Variants in DAB2IP observed in about 807,000 individuals in gnomAD.
DAB2IP encodes the protein disabled homolog 2-interacting protein.
In DAB2IP, 28 loss-of-function variants were observed where a neutral mutation model predicts 107.2. That is an observed-to-expected ratio of 0.26 (90% CI 0.19 to 0.36). DAB2IP has a LOEUF of 0.36. Ranked by LOEUF, DAB2IP falls within the 10% of genes least tolerant of loss-of-function variation. The pLI, the probability that DAB2IP is intolerant of heterozygous loss-of-function variation, is 1.00. For missense variants in DAB2IP, 1,400 were observed against 1,644.7 expected (o/e 0.85, Z 2.57); for synonymous variants, 755 against 706.4 (o/e 1.07, Z -1.09).
chr9:121,577,865 C>T (rs981212123), intron 1 of DAB2IP, among the ~76,000 whole-genome samples: 1 of 152,148 alleles, frequency 6.6e-6, no homozygotes, highest in African/African-American at 2.4e-5. Flanking sequence ...AGGGAGCAGG[C>T]ACCAGGCTCT....
intron 3 of DAB2IP, among the ~76,000 whole-genome samples, chr9:121,710,692 T>C (rs568011709): frequency 4.8e-4 from 73 of 152,280 alleles, no homozygotes; most frequent in Non-Finnish European, 8.8e-4. Flanking sequence ...CTTCCATCAC[T>C]ACCCAGGAGG....
At chr9:121,717,360 T>G (rs1254160761) in intron 3 of DAB2IP, among the ~76,000 whole-genome samples, 1 of 152,214 alleles carries the variant, frequency 6.6e-6, no homozygotes, top group Non-Finnish European at 1.5e-5. Flanking sequence ...AGCCACTCAT[T>G]GTACTAGCAG....
rs765763166 is a variant in DAB2IP, at chr9:121,567,179, C to A, written c.-10C>A. On this transcript the variant is annotated 5_prime_UTR_variant, in exon 1 of 17. Transcript: ENST00000259371. Reference sequence around the variant, plus strand: ...ATCAGGTGGGGCCAGGGGCTGGGGGCCCACACGCCATGGAGCCCGACTCCC... The same window carrying A: ...ATCAGGTGGGGCCAGGGGCTGGGGGACCACACGCCATGGAGCCCGACTCCC... The A allele has an allele frequency of 1.6e-4, 260 of 1,613,822 alleles. 1 individual carries two copies. The highest frequency in any genetic ancestry group is 1.6e-4 in the Non-Finnish European group (186 of 1,179,990).
At chr9:121,748,846 G>T (rs1254278151) in intron 3 of DAB2IP, among the ~76,000 whole-genome samples, 2 of 152,178 alleles carry the variant, frequency 1.3e-5, no homozygotes, top group Non-Finnish European at 2.9e-5. Flanking sequence ...CCTGTGATGT[G>T]GGGGGAAGCA....
intron 3 of DAB2IP, among the ~76,000 whole-genome samples, chr9:121,739,726 A>G (rs56002736): frequency 1.7e-3 from 265 of 152,354 alleles, no homozygotes; most frequent in African/African-American, 6.0e-3. Context: ...TCAGGCAAGC[A>G]TGGAGACACA....
chr9:121,703,355 T>A (rs1290303359), intron 3 of DAB2IP, among the ~76,000 whole-genome samples: 1 of 152,184 alleles, frequency 6.6e-6, no homozygotes, highest in African/African-American at 2.4e-5. Context: ...TTCTTGCCCT[T>A]GTTCCCTCCC....
In DAB2IP at chr9:121,640,006, A is replaced by G. The variant is rs183604782; in HGVS notation, c.41-38672A>G. ...GAATGTCTCGAAGTCCAAGATCTGAAGTTCTGGGCATCCCCTTCCTTGCAT... is the reference window on the plus strand; with the variant it reads ...GAATGTCTCGAAGTCCAAGATCTGAGGTTCTGGGCATCCCCTTCCTTGCAT... On this transcript the variant is annotated intron_variant, in intron 1 of 16. Coordinates refer to the DAB2IP transcript ENST00000259371. 4.1e-3 allele frequency among the ~76,000 whole-genome samples: 621 copies of G among 152,304 alleles called. 1 individual carries two copies. Among genetic ancestry groups the G allele is most frequent in the Middle Eastern group, 0.034 (10 of 294 alleles).
intron 1 of DAB2IP, among the ~76,000 whole-genome samples, chr9:121,606,787 T>C (rs1830893855): frequency 6.6e-6 from 1 of 151,820 alleles, no homozygotes; most frequent in Admixed American, 6.6e-5. Flanking sequence ...TTTTTTTTTT[T>C]TTCTTGAGAT....
At chr9:121,602,866 C>T (rs1010851389) in intron 1 of DAB2IP, among the ~76,000 whole-genome samples, 26 of 152,156 alleles carry the variant, frequency 1.7e-4, no homozygotes, top group African/African-American at 5.3e-4. Context: ...TGAGCCACCG[C>T]GCCTGGCCAA....
At chr9:121,619,159 T>C (rs754629698) in intron 1 of DAB2IP, among the ~76,000 whole-genome samples, 3 of 152,154 alleles carry the variant, frequency 2.0e-5, no homozygotes, top group African/African-American at 4.8e-5. Context: ...GTTTTGTTTT[T>C]GTTTTGAGAC....
chr9:121,589,206 G>A (rs1025954446), intron 1 of DAB2IP, among the ~76,000 whole-genome samples: 4 of 152,120 alleles, frequency 2.6e-5, no homozygotes, highest in African/African-American at 4.8e-5. Context: ...CAGTAAGGTC[G>A]CTCAGTAGCC....
chr9:121,726,757 G>A (rs577800032), intron 3 of DAB2IP, among the ~76,000 whole-genome samples: 5 of 152,318 alleles, frequency 3.3e-5, no homozygotes, highest in African/African-American at 1.2e-4. Context: ...TAAAAGGAAA[G>A]GGGAGAAACT....
At chr9:121,674,148 C>T (rs937172854) in intron 1 of DAB2IP, among the ~76,000 whole-genome samples, 7 of 152,200 alleles carry the variant, frequency 4.6e-5, no homozygotes, top group Non-Finnish European at 1.0e-4. Context: ...AAGATAGGGT[C>T]ATCCCGATGG....
chr9:121,630,274 A>C (rs1831825178), intron 1 of DAB2IP, among the ~76,000 whole-genome samples: 1 of 152,200 alleles, frequency 6.6e-6, no homozygotes, highest in Non-Finnish European at 1.5e-5. Flanking sequence ...TATAGCATTA[A>C]AAATATTTCG....
At chr9:121,770,265 A>G (rs989549998) in intron 10 of DAB2IP, among the ~76,000 whole-genome samples, 1 of 152,256 alleles carries the variant, frequency 6.6e-6, no homozygotes, top group African/African-American at 2.4e-5. Context: ...CGGAGGCACC[A>G]GGGCAGGGCA....
chr9:121,688,599 C>G (rs548629835), intron 2 of DAB2IP, among the ~76,000 whole-genome samples: 1 of 152,328 alleles, frequency 6.6e-6, no homozygotes, highest in Non-Finnish European at 1.5e-5. Flanking sequence ...GGTTGCAGAA[C>G]ACCCCATCTG....
At chr9:121,567,177 G>A (rs1829822955) in exon 1 of DAB2IP, 1 of 1,614,036 alleles carries the variant, frequency 6.2e-7, no homozygotes, top group African/African-American at 1.3e-5. Flanking sequence ...AGGGGCTGGG[G>A]GCCCACACGC....
At chr9:121,571,294 G>A (rs998367916) in intron 1 of DAB2IP, among the ~76,000 whole-genome samples, 1 of 152,112 alleles carries the variant, frequency 6.6e-6, no homozygotes, top group Non-Finnish European at 1.5e-5. Context: ...TAAGCAATCT[G>A]GATCCCCAGA....
chr9:121,578,722 CTTTTTTTTTTTTTTTTTTT>C (rs749525264), intron 1 of DAB2IP, among the ~76,000 whole-genome samples: 28 of 47,424 alleles, frequency 5.9e-4, no homozygotes, highest in South Asian at 4.6e-3. Flanking sequence ...CGGCCTATGT[CTTTTTTTTTTTTTTTTTTT>C]TTTTTTTTTT....
Sources: gnomAD v4.1 joint callset for allele counts (sites outside exome capture counted in the v4.1 genomes callset) on GRCh38, gnomAD v4.1.1 for gene constraint, MANE v1.5 for transcripts, NCBI Gene and HGNC (gene_info 2026-07-23, HGNC 2026-07-21) for gene names.